SBK1: variants seen among roughly 807,000 people sequenced by gnomAD.
SBK1 encodes serine/threonine-protein kinase SBK1.
In SBK1, 11 loss-of-function variants were observed where a neutral mutation model predicts 24.4. The observed-to-expected ratio is 0.45, with a 90% CI of 0.28 to 0.75. The LOEUF is 0.75. Among genes scored for constraint, SBK1 ranks in the 30% least tolerant of loss-of-function variants. The pLI, the probability that SBK1 is intolerant of heterozygous loss-of-function variation, is 0.12. For missense variants in SBK1, 467 were observed against 620.5 expected, an observed-to-expected ratio of 0.75 and a Z score of 2.63; for synonymous variants, 308 against 284.4, an observed-to-expected ratio of 1.08 and a Z score of -0.83.
At chr16:28,281,869 G>A (rs2044535051) in intron 1 of SBK1, among the ~76,000 whole-genome samples, 1 of 152,290 alleles carries the variant, frequency 6.6e-6, no homozygotes, top group South Asian at 2.1e-4. Context: ...CAGGCTCTGG[G>A]GGGTGGCACA....
chr16:28,277,151 G>A (rs561631378), intron 1 of SBK1, among the ~76,000 whole-genome samples: 1 of 152,068 alleles, frequency 6.6e-6, no homozygotes, highest in Admixed American at 6.6e-5. Context: ...CGAAGGGGAC[G>A]GGAGGAGGTC....
At chr16:28,307,739 CAAA>C (rs34787009) in intron 1 of SBK1, among the ~76,000 whole-genome samples, 5 of 64,212 alleles carry the variant, frequency 7.8e-5, no homozygotes, top group Admixed American at 3.0e-4. Context: ...GACTCAGTCT[CAAA>C]AAAAAAAAAA....
intron 1 of SBK1, among the ~76,000 whole-genome samples, chr16:28,295,975 G>T (rs1044295553): frequency 6.7e-6 from 1 of 149,488 alleles, no homozygotes; most frequent in African/African-American, 2.5e-5. Context: ...GCCCGGGCTG[G>T]AGTGTAATGG....
At chr16:28,278,187 G>A (rs2044506855) in intron 1 of SBK1, among the ~76,000 whole-genome samples, 1 of 152,242 alleles carries the variant, frequency 6.6e-6, no homozygotes, top group Non-Finnish European at 1.5e-5. Flanking sequence ...CGCTTCTCCT[G>A]CAGCTCCTCC....
upstream of SBK1, among the ~76,000 whole-genome samples, chr16:28,288,532 C>T (rs556485095): frequency 1.6e-4 from 25 of 152,318 alleles, no homozygotes; most frequent in South Asian, 3.5e-3. Flanking sequence ...CCATAACCAG[C>T]GCTTGTTCTT....
Position 28,321,116 on chromosome 16 carries a change from G to C in SBK1, c.*195G>C. 4.5e-6 allele frequency: 2 copies of C among 442,252 alleles called. No individual in the cohort carries two copies. Among genetic ancestry groups the C allele is most frequent in the Non-Finnish European group, 7.5e-6 (2 of 266,136 alleles). The allele number at this position is 442,252 out of a possible 1,614,324, so 27.4% of individuals were successfully genotyped here. ...CCACCAAAGACCCCTAGCGCGGCCT[G>C]GTGAGCGGGGGCTTGGCCCAGAGGA... On this transcript the variant is annotated 3_prime_UTR_variant, in exon 4 of 4. Transcript: ENST00000341901.
chr16:28,279,413 CAAAA>C (rs34582546), intron 1 of SBK1, among the ~76,000 whole-genome samples: 1 of 84,774 alleles, frequency 1.2e-5, no homozygotes. Flanking sequence ...AAAACAAAAC[CAAAA>C]AAAAAAAAAA....
At chr16:28,305,336 C>T (rs1392418323) in intron 1 of SBK1, among the ~76,000 whole-genome samples, 2 of 152,094 alleles carry the variant, frequency 1.3e-5, no homozygotes, top group Non-Finnish European at 2.9e-5. Context: ...CCTCAGCTTC[C>T]CAAGTAGCTG....
rs2044869268 is a variant in SBK1, at chr16:28,322,977, T to TCTCG, written c.*2059_*2060insGCTC. 7.6e-6 allele frequency: 1 copy of TCTCG among 130,930 alleles called. No individual in the cohort carries two copies. Among genetic ancestry groups the TCTCG allele is most frequent in the Non-Finnish European group, 1.6e-5 (1 of 61,742 alleles). The allele number at this position is 130,930 out of a possible 1,614,324, so 8.1% of individuals were successfully genotyped here. On this transcript the variant is annotated 3_prime_UTR_variant, in exon 4 of 4. Transcript: ENST00000341901. The stretch of plus-strand genomic sequence containing the variant: ...CTCTCTCTCTCTCTCTCTCTCTCTC[T>TCTCG]CTCCTCTCTTTCTCTCTCTCCCTCT...
intron 1 of SBK1, among the ~76,000 whole-genome samples, chr16:28,303,417 T>A (rs2044692755): frequency 6.6e-6 from 1 of 152,022 alleles, no homozygotes; most frequent in Non-Finnish European, 1.5e-5. Context: ...ATGTCTAGTG[T>A]TGATTCTAGA....
chr16:28,283,395 T>C (rs938722320), intron 1 of SBK1, among the ~76,000 whole-genome samples: 1 of 152,100 alleles, frequency 6.6e-6, no homozygotes, highest in South Asian at 2.1e-4. Flanking sequence ...ACAAGGATTC[T>C]CTCTTTACCT....
At chr16:28,309,744 A>C (rs536242943) in intron 1 of SBK1, among the ~76,000 whole-genome samples, 2 of 152,310 alleles carry the variant, frequency 1.3e-5, no homozygotes, top group South Asian at 4.1e-4. Flanking sequence ...TAAAAAAATA[A>C]AATAATAGGA....
At chr16:28,315,727 C>T (rs755712938) in intron 1 of SBK1, among the ~76,000 whole-genome samples, 17 of 152,188 alleles carry the variant, frequency 1.1e-4, no homozygotes, top group Non-Finnish European at 2.4e-4. Flanking sequence ...TCCTACTGCC[C>T]TTCAGCCTGG....
At chr16:28,308,740 G>GGGGGGTGT (rs1555538285) in intron 1 of SBK1, among the ~76,000 whole-genome samples, 25 of 130,604 alleles carry the variant, frequency 1.9e-4, no homozygotes, top group African/African-American at 7.0e-4. Flanking sequence ...CGTTCTTTGG[G>GGGGGGTGT]GTGTGTGTGT....
At position 28,322,814 on chromosome 16, in the gene SBK1, C is replaced by T. The variant is rs1293957882; in HGVS notation, c.*1893C>T. 1 of 152,688 alleles carries T rather than the reference C, an allele frequency of 6.5e-6. No homozygotes were observed. Among genetic ancestry groups the T allele is most frequent in the East Asian group, 1.9e-4 (1 of 5,314 alleles). The allele number at this position is 152,688 out of a possible 1,614,324, so 9.5% of individuals were successfully genotyped here. Reference sequence around the variant, plus strand: ...GCTGCCTCTCCCAGCCGCGACTTCTCCTTTTGCCTTAGGCCTCGCGACATC... The same window carrying T: ...GCTGCCTCTCCCAGCCGCGACTTCTTCTTTTGCCTTAGGCCTCGCGACATC... On this transcript the variant is annotated 3_prime_UTR_variant, in exon 4 of 4. Coordinates refer to ENST00000341901, the MANE Select transcript of SBK1 (RefSeq NM_001024401.3).
chr16:28,311,424 T>C (rs1476981945), intron 1 of SBK1, among the ~76,000 whole-genome samples: 1 of 151,880 alleles, frequency 6.6e-6, no homozygotes, highest in Non-Finnish European at 1.5e-5. Context: ...GGAGATAGAA[T>C]AGAGGACACT....
Position 28,307,002 on chromosome 16 carries a change from G to A in SBK1, c.-7-10383G>A, listed in dbSNP as rs548710941. On this transcript the variant is annotated intron_variant, in intron 1 of 3. Transcript: ENST00000341901. The stretch of plus-strand genomic sequence containing the variant: ...GTGGCAGGGCTGGGCTAGAAGCCAG[G>A]GCATCTGCAGGGCAAGGTGCTCTCT... Among the ~76,000 whole-genome samples, 554 of 152,262 alleles carry A rather than the reference G, an allele frequency of 3.6e-3. 3 individuals carry two copies. The highest frequency in any genetic ancestry group is 0.011 in the African/African-American group (455 of 41,550).
intron 1 of SBK1, among the ~76,000 whole-genome samples, chr16:28,279,413 C>CA (rs34582546): frequency 0.37 from 31,580 of 84,652 alleles, 5,198 homozygotes; most frequent in Non-Finnish European, 0.5. Context: ...AAAACAAAAC[C>CA]AAAAAAAAAA....
chr16:28,306,831 A>G lies in SBK1; in HGVS notation c.-7-10554A>G, dbSNP rs546441773. 3.3e-5 allele frequency among the ~76,000 whole-genome samples: 5 copies of G among 152,292 alleles called. No homozygotes were observed. The East Asian group carries it at 7.7e-4, about 23-fold the overall frequency. ...CGTGTTTGGGAAATTGTAACTTTTT[A>G]TACTTGGCTTTCCTGAATGTGACCC... On this transcript the variant is annotated intron_variant, in intron 1 of 3. Coordinates refer to ENST00000341901, the MANE Select transcript of SBK1 (RefSeq NM_001024401.3).
Sources: allele counts gnomAD v4.1 joint callset (sites outside exome capture counted in the v4.1 genomes callset), GRCh38; gene constraint gnomAD v4.1.1; transcripts MANE v1.5; gene names NCBI Gene and HGNC (gene_info 2026-07-23, HGNC 2026-07-21).